Variants in PTH2R observed in about 807,000 individuals in gnomAD.
PTH2R encodes the protein PTH2 receptor.
PTH2R carries 59 observed loss-of-function variants against 60.3 expected under a neutral mutation model. That is an observed-to-expected ratio of 0.98 (90% CI 0.79 to 1.22). The LOEUF is 1.22. Among genes scored for constraint, PTH2R ranks in the 50% most tolerant of loss-of-function variants. The probability of loss-of-function intolerance (pLI) is 0.00; values close to 1 mark genes in which losing one functional copy is unlikely to be tolerated. For missense variants in PTH2R, 749 were observed against 682.6 expected (o/e 1.10, Z -1.08); for synonymous variants, 256 against 243.8 (o/e 1.05, Z -0.47).
intron 9 of PTH2R, among the ~76,000 whole-genome samples, chr2:208,467,849 G>C (rs1380014706): frequency 1.3e-5 from 2 of 152,084 alleles, no homozygotes; most frequent in Non-Finnish European, 2.9e-5. Flanking sequence ...TCTTCAAAAG[G>C]ATTTATAAAC....
intron 1 of PTH2R, among the ~76,000 whole-genome samples, chr2:208,377,011 A>C: frequency 6.6e-6 from 1 of 151,908 alleles, no homozygotes; most frequent in Non-Finnish European, 1.5e-5. Flanking sequence ...TAGGCAGAGG[A>C]CCCTGCGGGC....
At chr2:208,420,627 G>T (rs1701735602) in intron 1 of PTH2R, among the ~76,000 whole-genome samples, 1 of 152,104 alleles carries the variant, frequency 6.6e-6, no homozygotes, top group Non-Finnish European at 1.5e-5. Flanking sequence ...TTAAAAATCT[G>T]TATTTTGAGA....
intron 12 of PTH2R, among the ~76,000 whole-genome samples, chr2:208,491,937 G>C (rs553334773): frequency 1.3e-5 from 2 of 152,290 alleles, no homozygotes; most frequent in East Asian, 1.9e-4. Flanking sequence ...GACTTAAAGT[G>C]GTGGTGTTTA....
Position 208,482,439 on chromosome 2 carries a change from C to T in PTH2R, c.1076+1275C>T, listed in dbSNP as rs893582253. Reference sequence around the variant, plus strand: ...GGTAGGTTAGTGAGAGATTTAGGGTCGTTTGATTATGAGGTGAGATGGTCA... The same window carrying T: ...GGTAGGTTAGTGAGAGATTTAGGGTTGTTTGATTATGAGGTGAGATGGTCA... On this transcript the variant is annotated intron_variant, in intron 10 of 12. Transcript: ENST00000272847. 3.9e-5 allele frequency among the ~76,000 whole-genome samples: 6 copies of T among 152,046 alleles called. No individual in the cohort carries two copies. In the East Asian group the frequency reaches 9.7e-4, roughly 25 times the overall value.
rs989950400 is a variant in PTH2R, at chr2:208,372,163, C to T, written c.-259+11926C>T. On this transcript the variant is annotated intron_variant, in intron 1 of 12. Coordinates refer to the PTH2R transcript ENST00000617735. ...GTCTCGAATTCCTAACCTTGTGATTCGCCCGCCTCGGCCTCCCAAGGTGCT... is the reference window on the plus strand; with the variant it reads ...GTCTCGAATTCCTAACCTTGTGATTTGCCCGCCTCGGCCTCCCAAGGTGCT... Among the ~76,000 whole-genome samples the T allele has an allele frequency of 4.6e-5, 7 of 152,168 alleles. No individual in the cohort carries two copies. In the South Asian group the frequency reaches 6.2e-4, roughly 14 times the overall value.
chr2:208,459,872 A>G, intron 8 of PTH2R, 23 bp from the exon 9 acceptor site: 2 of 1,610,084 alleles, frequency 1.2e-6, no homozygotes, highest in Non-Finnish European at 1.7e-6. Context: ...TTTATTCATG[A>G]CAGCTTTTTT....
chr2:208,416,292 G>A (rs143158812), intron 1 of PTH2R, among the ~76,000 whole-genome samples: 34 of 152,146 alleles, frequency 2.2e-4, no homozygotes, highest in African/African-American at 6.7e-4. Flanking sequence ...AAAATATAAA[G>A]CATTTAAAAT....
intron 8 of PTH2R, among the ~76,000 whole-genome samples, chr2:208,458,346 A>G (rs1702557191): frequency 6.6e-6 from 1 of 152,230 alleles, no homozygotes; most frequent in Non-Finnish European, 1.5e-5. Context: ...GGCAAATTAT[A>G]TAATTTTTAA....
intron 1 of PTH2R, among the ~76,000 whole-genome samples, chr2:208,415,597 T>G (rs1326407373): frequency 2.0e-5 from 3 of 152,186 alleles, no homozygotes; most frequent in Non-Finnish European, 4.4e-5. Flanking sequence ...GTATGTGGAT[T>G]TTTTTGCTAT....
chr2:208,403,407 GAA>G (rs1460947734), upstream of PTH2R, among the ~76,000 whole-genome samples: 1 of 152,188 alleles, frequency 6.6e-6, no homozygotes, highest in Non-Finnish European at 1.5e-5. Flanking sequence ...TCAACTCTGA[GAA>G]AGCCATTTAA....
At chr2:208,418,357 C>A (rs1393673749) in intron 1 of PTH2R, among the ~76,000 whole-genome samples, 1 of 145,876 alleles carries the variant, frequency 6.9e-6, no homozygotes, top group African/African-American at 2.7e-5. Context: ...ATTTCTTTTG[C>A]ACTCAATTTT....
At chr2:208,400,046 ATAGG>A (rs1199130465) in intron 1 of PTH2R, among the ~76,000 whole-genome samples, 2 of 152,258 alleles carry the variant, frequency 1.3e-5, no homozygotes, top group East Asian at 3.9e-4. Context: ...CTGTATTTCA[ATAGG>A]TCTCCAGTTA....
chr2:208,448,897 C>T (rs1426794625), intron 7 of PTH2R, among the ~76,000 whole-genome samples: 1 of 151,830 alleles, frequency 6.6e-6, no homozygotes, highest in African/African-American at 2.4e-5. Context: ...ATAAGATTCT[C>T]TAAGAAGGTG....
At chr2:208,415,471 G>C (rs2105840389) in intron 1 of PTH2R, among the ~76,000 whole-genome samples, 1 of 152,264 alleles carries the variant, frequency 6.6e-6, no homozygotes, top group South Asian at 2.1e-4. Context: ...CATATTTCAA[G>C]TGCTACATGT....
Position 208,489,187 on chromosome 2 carries a change from T to C in PTH2R, c.1215+37T>C, listed in dbSNP as rs368954565. ...TGCCTAGTCATCTGATTCTTGTAAT[T>C]TGCAGTTTTTTTTCCTTTTGGTCAC... On this transcript the variant is annotated intron_variant, in intron 11 of 12. Coordinates refer to ENST00000272847, the MANE Select transcript of PTH2R (RefSeq NM_005048.4). 80 of 1,611,320 alleles carry C rather than the reference T, an allele frequency of 5.0e-5. No homozygotes were observed. The African/African-American group carries it at 1.0e-3, about 20-fold the overall frequency.
chr2:208,445,674 G>A (rs187698442), intron 7 of PTH2R, among the ~76,000 whole-genome samples: 157 of 152,216 alleles, frequency 1.0e-3, no homozygotes, highest in African/African-American at 3.1e-3. Context: ...AGTAGCTCAC[G>A]ACTAAATTTG....
chr2:208,416,067 A>G (rs1701634730), intron 1 of PTH2R, among the ~76,000 whole-genome samples: 1 of 152,136 alleles, frequency 6.6e-6, no homozygotes, highest in African/African-American at 2.4e-5. Flanking sequence ...TATCAGTAAC[A>G]TTTGTTACTG....
chr2:208,464,080 C>T (rs1702688000), intron 9 of PTH2R, among the ~76,000 whole-genome samples: 1 of 152,186 alleles, frequency 6.6e-6, no homozygotes, highest in Non-Finnish European at 1.5e-5. Flanking sequence ...TAGTATTCTC[C>T]ATTTTAGGTG....
intron 1 of PTH2R, among the ~76,000 whole-genome samples, chr2:208,408,174 A>T (rs2105832042): frequency 6.6e-6 from 1 of 152,332 alleles, no homozygotes. Context: ...ATGTAGATTT[A>T]TTTTGTTAAT....
Sources: gnomAD v4.1 joint callset for allele counts (sites outside exome capture counted in the v4.1 genomes callset) on GRCh38, gnomAD v4.1.1 for gene constraint, MANE v1.5 for transcripts, NCBI Gene and HGNC (gene_info 2026-07-23, HGNC 2026-07-21) for gene names.